VTA1: variants seen among roughly 807,000 people sequenced by gnomAD.
VTA1 encodes vacuolar protein sorting-associated protein VTA1 homolog.
A neutral mutation model predicts 36.9 loss-of-function variants in VTA1; 24 were observed. The observed-to-expected ratio is 0.65, with a 90% CI of 0.47 to 0.91. VTA1 has a LOEUF of 0.91. Ranked by LOEUF, VTA1 falls within the 40% of genes least tolerant of loss-of-function variation. The pLI, the probability that VTA1 is intolerant of heterozygous loss-of-function variation, is 0.00. For synonymous variants in VTA1, 142 were observed against 130.2 expected, an observed-to-expected ratio of 1.09 and a Z score of -0.62; for missense variants, 393 against 377.2, an observed-to-expected ratio of 1.04 and a Z score of -0.35.
At position 142,147,413 on chromosome 6, in the gene VTA1, A is replaced by G. The variant is rs1778469703; in HGVS notation, c.112+14A>G. 1 of 1,611,304 alleles carries G rather than the reference A, an allele frequency of 6.2e-7. No individual in the cohort carries two copies. The highest frequency in any genetic ancestry group is 1.3e-5 in the African/African-American group (1 of 74,958). ...TGGCTTATTACTGTGAGTCTTTCCGAGTGGCCGCGCCCTTTCTTTCCCAGT... is the reference window on the plus strand; with the variant it reads ...TGGCTTATTACTGTGAGTCTTTCCGGGTGGCCGCGCCCTTTCTTTCCCAGT... On this transcript the variant is annotated intron_variant, in intron 1 of 7. Coordinates refer to ENST00000367630, the MANE Select transcript of VTA1 (RefSeq NM_016485.5).
chr6:142,194,917 T>C (rs1775517944), intron 5 of VTA1, among the ~76,000 whole-genome samples: 1 of 152,144 alleles, frequency 6.6e-6, no homozygotes, highest in Admixed American at 6.5e-5. Context: ...ATAGGACTTT[T>C]TTTCTTCTGT....
intron 5 of VTA1, among the ~76,000 whole-genome samples, chr6:142,195,615 T>C (rs1012602295): frequency 1.6e-4 from 18 of 109,716 alleles, no homozygotes; most frequent in African/African-American, 5.5e-4. Context: ...TTTTTTTTTT[T>C]AGCTTCTTAG....
At position 142,207,327 on chromosome 6, in the gene VTA1, G is replaced by T. The variant is rs186425203; in HGVS notation, c.778+3262G>T. On this transcript the variant is annotated intron_variant, in intron 7 of 7. Coordinates refer to ENST00000367630, the MANE Select transcript of VTA1 (RefSeq NM_016485.5). ...GATCTGTCCTTGCCTTAACCCACAGGTAGCATCATGACTGCCTGCAGGGAA... is the reference window on the plus strand; with the variant it reads ...GATCTGTCCTTGCCTTAACCCACAGTTAGCATCATGACTGCCTGCAGGGAA... Among the ~76,000 whole-genome samples the T allele has an allele frequency of 1.6e-3, 248 of 152,218 alleles. 2 individuals carry two copies. Among genetic ancestry groups the T allele is most frequent in the African/African-American group, 5.8e-3 (239 of 41,542 alleles).
At chr6:142,191,177 T>C (rs1401158363) in intron 5 of VTA1, among the ~76,000 whole-genome samples, 1 of 152,220 alleles carries the variant, frequency 6.6e-6, no homozygotes, top group Non-Finnish European at 1.5e-5. Flanking sequence ...TTCATAAATA[T>C]ACTCAGAATA....
chr6:142,166,034 A>C (rs1774907171), intron 1 of VTA1, among the ~76,000 whole-genome samples, 194 bp from the exon 2 acceptor site: 1 of 151,742 alleles, frequency 6.6e-6, no homozygotes, highest in South Asian at 2.1e-4. Context: ...TTGATAAAAA[A>C]ATTTATCATG....
chr6:142,158,639 G>C (rs965692642), intron 1 of VTA1, among the ~76,000 whole-genome samples: 3 of 152,074 alleles, frequency 2.0e-5, no homozygotes, highest in Admixed American at 1.3e-4. Context: ...TTAATGTAAT[G>C]AGTATGTTTG....
At chr6:142,215,440 C>CAAAA (rs11441518) in intron 7 of VTA1, among the ~76,000 whole-genome samples, 2 of 147,100 alleles carry the variant, frequency 1.4e-5, no homozygotes, top group Admixed American at 6.8e-5. Context: ...GACTCCATCT[C>CAAAA]AAAAAAAAAA....
chr6:142,160,882 T>A (rs1476734415), intron 1 of VTA1, among the ~76,000 whole-genome samples: 1 of 152,190 alleles, frequency 6.6e-6, no homozygotes, highest in East Asian at 1.9e-4. Context: ...GATTATCTTT[T>A]TATTCTTTGG....
chr6:142,218,186 T>C (rs1388150204), intron 7 of VTA1, among the ~76,000 whole-genome samples: 1 of 152,196 alleles, frequency 6.6e-6, no homozygotes, highest in Admixed American at 6.5e-5. Flanking sequence ...TATTGTTCCA[T>C]GAAGAGAGAG....
intron 4 of VTA1, among the ~76,000 whole-genome samples, chr6:142,174,316 A>C (rs1414901444): frequency 3.9e-5 from 6 of 152,186 alleles, no homozygotes; most frequent in Non-Finnish European, 8.8e-5. Context: ...GATTATTTTG[A>C]AACTCTGAAG....
At chr6:142,160,269 A>G (rs1366117244) in intron 1 of VTA1, among the ~76,000 whole-genome samples, 1 of 152,208 alleles carries the variant, frequency 6.6e-6, no homozygotes, top group Non-Finnish European at 1.5e-5. Flanking sequence ...TCTCTACTGA[A>G]TACCCAGGGT....
chr6:142,190,684 C>T (rs1158149739), intron 5 of VTA1, among the ~76,000 whole-genome samples: 2 of 152,196 alleles, frequency 1.3e-5, no homozygotes, highest in African/African-American at 4.8e-5. Context: ...CATTTTGTTA[C>T]ACACTTTTAT....
intron 1 of VTA1, among the ~76,000 whole-genome samples, chr6:142,152,852 T>A (rs1582873928): frequency 6.6e-6 from 1 of 152,256 alleles, no homozygotes; most frequent in East Asian, 1.9e-4. Flanking sequence ...AGAAAAAAAT[T>A]CAAGAGTATT....
chr6:142,224,274 G>C lies in VTA1; in HGVS notation c.*5631G>C, dbSNP rs1446944423. On this transcript the variant is annotated 3_prime_UTR_variant, in exon 8 of 8. Transcript: ENST00000367630. ...GTTGCCTGCTTTAATTCATCCCATG[G>C]AATTGTTTTGTCTTTTCGACCCCTC... 2 of 152,170 alleles carry C rather than the reference G, an allele frequency of 1.3e-5. No homozygotes were observed. Among genetic ancestry groups the C allele is most frequent in the Admixed American group, 1.3e-4 (2 of 15,268 alleles). The allele number at this position is 152,170 out of a possible 1,614,324, so 9.4% of individuals were successfully genotyped here.
intron 4 of VTA1, 129 bp from the exon 5 acceptor site, chr6:142,189,297 C>T: frequency 1.5e-6 from 1 of 647,358 alleles, no homozygotes; most frequent in South Asian, 2.4e-5. Flanking sequence ...GGGGTATTGC[C>T]AGTTTCTTTT....
intron 5 of VTA1, among the ~76,000 whole-genome samples, chr6:142,197,682 C>T (rs568599331): frequency 7.9e-5 from 12 of 152,140 alleles, no homozygotes; most frequent in South Asian, 2.1e-4. Context: ...AGTAAAAGTC[C>T]GCTGTCAGAA....
At chr6:142,185,407 C>A (rs73574218) in intron 4 of VTA1, among the ~76,000 whole-genome samples, 1 of 152,056 alleles carries the variant, frequency 6.6e-6, no homozygotes, top group Non-Finnish European at 1.5e-5. Flanking sequence ...TGTTTTTCCC[C>A]AAAGAGGGAA....
intron 3 of VTA1, 114 bp downstream of exon 3, chr6:142,169,791 G>GA: frequency 9.9e-7 from 1 of 1,006,680 alleles, no homozygotes; most frequent in Non-Finnish European, 1.3e-6. Flanking sequence ...GGTTTTTTTA[G>GA]AAAAAAATTA....
intron 1 of VTA1, among the ~76,000 whole-genome samples, chr6:142,164,031 G>T (rs1036904808): frequency 1.3e-5 from 2 of 152,166 alleles, no homozygotes; most frequent in Non-Finnish European, 2.9e-5. Context: ...GGCCTAGCTA[G>T]CTTCAGTATA....
Sources: allele counts gnomAD v4.1 joint callset (sites outside exome capture counted in the v4.1 genomes callset), GRCh38; gene constraint gnomAD v4.1.1; transcripts MANE v1.5; gene names NCBI Gene and HGNC (gene_info 2026-07-23, HGNC 2026-07-21).